Variants in MDGA2 observed in about 807,000 individuals in gnomAD.
MDGA2 encodes the protein MAM domain containing glycosylphosphatidylinositol anchor 2.
Under a neutral mutation model 117.8 loss-of-function variants are expected in MDGA2, and 40 were observed. That is an observed-to-expected ratio of 0.34 (90% CI 0.26 to 0.44). The LOEUF (loss-of-function observed/expected upper bound fraction) is 0.44. Among genes scored for constraint, MDGA2 ranks in the 20% least tolerant of loss-of-function variants. The pLI, the probability that MDGA2 is intolerant of heterozygous loss-of-function variation, is 1.00. For missense variants in MDGA2, 1,123 were observed against 1,250.6 expected, an observed-to-expected ratio of 0.90 and a Z score of 1.54; for synonymous variants, 452 against 439.0, an observed-to-expected ratio of 1.03 and a Z score of -0.37.
intron 14 of MDGA2, chr14:46,873,191 G>A (rs1882085050): frequency 2.5e-6 from 1 of 393,398 alleles, no homozygotes; most frequent in Admixed American, 4.3e-5. Context: ...CTCATTGATT[G>A]TCTACCTGAT....
At chr14:47,166,965 C>CGGCACA (rs1883905787) in intron 3 of MDGA2, among the ~76,000 whole-genome samples, 1 of 152,234 alleles carries the variant, frequency 6.6e-6, no homozygotes, top group African/African-American at 2.4e-5. Context: ...GCCAAGTATC[C>CGGCACA]GGCACATAGA....
At chr14:47,174,459 C>T (rs1884339083) in intron 3 of MDGA2, among the ~76,000 whole-genome samples, 2 of 152,136 alleles carry the variant, frequency 1.3e-5, no homozygotes, top group South Asian at 4.1e-4. Flanking sequence ...TCTCAGACCA[C>T]AGTGCAATCA....
intron 2 of MDGA2, among the ~76,000 whole-genome samples, chr14:47,246,584 A>G (rs1217422078): frequency 6.6e-6 from 1 of 151,748 alleles, no homozygotes; most frequent in Admixed American, 6.6e-5. Flanking sequence ...ATAAGTGTGG[A>G]AAGAGCCAGT....
At chr14:46,962,493 A>G (rs1038557185) in intron 8 of MDGA2, among the ~76,000 whole-genome samples, 1 of 152,216 alleles carries the variant, frequency 6.6e-6, no homozygotes, top group Admixed American at 6.5e-5. Context: ...ATGCCATCAG[A>G]ATTGAAGCTC....
intron 1 of MDGA2, among the ~76,000 whole-genome samples, chr14:47,612,762 G>C (rs1274610351): frequency 6.6e-6 from 1 of 152,016 alleles, no homozygotes; most frequent in Non-Finnish European, 1.5e-5. Context: ...TTATATACAA[G>C]AAATTAAGTG....
intron 6 of MDGA2, among the ~76,000 whole-genome samples, chr14:47,090,989 T>C (rs1879618782): frequency 6.6e-6 from 1 of 152,146 alleles, no homozygotes; most frequent in Admixed American, 6.6e-5. Context: ...ACTCCCAGAT[T>C]TGTGAACAAA....
At chr14:47,499,630 T>C (rs1372859326) in intron 1 of MDGA2, among the ~76,000 whole-genome samples, 1 of 152,134 alleles carries the variant, frequency 6.6e-6, no homozygotes, top group Non-Finnish European at 1.5e-5. Context: ...TACCTACAGC[T>C]TCCAGCAATA....
At position 47,430,144 on chromosome 14, in the gene MDGA2, AAC is replaced by A. The variant is rs1401708133; in HGVS notation, c.281-128596_281-128595del. 3.9e-5 allele frequency among the ~76,000 whole-genome samples: 6 copies of A among 151,950 alleles called. No individual in the cohort carries two copies. The East Asian group carries it at 1.2e-3, about 29-fold the overall frequency. On this transcript the variant is annotated intron_variant, in intron 1 of 16. Transcript: ENST00000399232. ...TGCACCCTTTGGATTTGATTATAACAACAATGGTAATAGTCTTAAGCAAGGCA... is the reference window on the plus strand; with the variant it reads ...TGCACCCTTTGGATTTGATTATAACAAATGGTAATAGTCTTAAGCAAGGCA...
At chr14:46,895,821 A>G (rs900731102) in intron 10 of MDGA2, among the ~76,000 whole-genome samples, 12 of 151,998 alleles carry the variant, frequency 7.9e-5, no homozygotes, top group African/African-American at 2.9e-4. Context: ...TTTATTACTA[A>G]TAGTCTTAAT....
At chr14:47,189,016 G>A (rs1425968407) in intron 3 of MDGA2, among the ~76,000 whole-genome samples, 1 of 152,152 alleles carries the variant, frequency 6.6e-6, no homozygotes, top group Admixed American at 6.6e-5. Context: ...ACTCTAAGCA[G>A]TCCTTAGAAA....
At chr14:47,325,243 A>C (rs1231236652) in intron 1 of MDGA2, among the ~76,000 whole-genome samples, 4 of 152,180 alleles carry the variant, frequency 2.6e-5, no homozygotes, top group Non-Finnish European at 5.9e-5. Flanking sequence ...AGCAACACTG[A>C]AGTCATTCAT....
intron 14 of MDGA2, among the ~76,000 whole-genome samples, chr14:46,873,178 T>G (rs895688871): frequency 1.1e-4 from 17 of 152,080 alleles, no homozygotes; most frequent in African/African-American, 3.9e-4. Flanking sequence ...GTAAAGAATT[T>G]AACTCATTGA....
At chr14:47,418,233 G>A (rs148039437) in intron 1 of MDGA2, among the ~76,000 whole-genome samples, 2,523 of 151,998 alleles carry the variant, frequency 0.017, 63 homozygotes, top group African/African-American at 0.057. Context: ...TTACAGGTGC[G>A]TGCCACCACA....
At chr14:47,241,929 C>T (rs1312385966) in intron 2 of MDGA2, among the ~76,000 whole-genome samples, 1 of 151,808 alleles carries the variant, frequency 6.6e-6, no homozygotes, top group African/African-American at 2.4e-5. Flanking sequence ...TCTAGAACTT[C>T]ATTTCCACAT....
intron 7 of MDGA2, among the ~76,000 whole-genome samples, chr14:47,053,843 C>T (rs1401629087): frequency 2.0e-5 from 3 of 151,630 alleles, no homozygotes; most frequent in African/African-American, 7.3e-5. Flanking sequence ...CTCTGCAGTT[C>T]AGTAGCACTT....
intron 2 of MDGA2, among the ~76,000 whole-genome samples, chr14:47,229,666 A>C (rs1055745488): frequency 7.2e-5 from 11 of 151,982 alleles, no homozygotes; most frequent in Non-Finnish European, 1.2e-4. Flanking sequence ...CTAAAAAAAA[A>C]TATTGAGTAG....
chr14:47,661,324 C>G (rs774263557), intron 1 of MDGA2, among the ~76,000 whole-genome samples: 2 of 152,096 alleles, frequency 1.3e-5, no homozygotes, highest in Non-Finnish European at 2.9e-5. Context: ...AAGATTAGTG[C>G]ATGGTACAAT....
intron 4 of MDGA2, among the ~76,000 whole-genome samples, chr14:47,135,563 TG>T (rs1882411407): frequency 6.6e-6 from 1 of 152,180 alleles, no homozygotes; most frequent in Non-Finnish European, 1.5e-5. Context: ...CTTATCCTTT[TG>T]GATCTCTTAA....
intron 3 of MDGA2, among the ~76,000 whole-genome samples, chr14:47,213,962 C>T (rs1328671537): frequency 3.3e-5 from 5 of 152,074 alleles, no homozygotes; most frequent in Non-Finnish European, 7.4e-5. Context: ...GAAAGAGTAC[C>T]TTTTTGGCGA....
Sources: gnomAD v4.1 joint callset for allele counts (sites outside exome capture counted in the v4.1 genomes callset) on GRCh38, gnomAD v4.1.1 for gene constraint, MANE v1.5 for transcripts, NCBI Gene and HGNC (gene_info 2026-07-23, HGNC 2026-07-21) for gene names.